Variants in WNK3 observed in about 807,000 individuals in gnomAD.
WNK3 encodes the protein WNK lysine deficient protein kinase 3.
Under a neutral mutation model 116.7 loss-of-function variants are expected in WNK3, and 18 were observed. The observed-to-expected ratio is 0.15, with a 90% CI of 0.11 to 0.23. The LOEUF is 0.23. Among genes scored for constraint, WNK3 ranks in the 10% least tolerant of loss-of-function variants. The pLI, the probability that WNK3 is intolerant of heterozygous loss-of-function variation, is 1.00. For synonymous variants in WNK3, 404 were observed against 469.4 expected (o/e 0.86, Z 1.80); for missense variants, 993 against 1,323.8 (o/e 0.75, Z 3.88).
chrX:54,235,338 T>G (rs2067950174), intron 20 of WNK3, among the ~76,000 whole-genome samples: 1 of 112,065 alleles, frequency 8.9e-6, no homozygotes. Context: ...CAGGCTGGAG[T>G]GCAGTGGTGC....
At chrX:54,325,679 CAAAAAAAAA>C (rs57064020) in intron 2 of WNK3, among the ~76,000 whole-genome samples, 10 of 11,309 alleles carry the variant, frequency 8.8e-4, no homozygotes, top group Admixed American at 5.6e-3. Flanking sequence ...AACTCCCTCT[CAAAAAAAAA>C]AAAAAAAAAA....
intron 22 of WNK3, among the ~76,000 whole-genome samples, chrX:54,203,995 G>A (rs2067526552): frequency 9.0e-6 from 1 of 111,509 alleles, no homozygotes; most frequent in African/African-American, 3.3e-5. Flanking sequence ...ATATAATAAA[G>A]TAGGAAATGG....
At chrX:54,291,683 G>C (rs2068641982) in intron 10 of WNK3, among the ~76,000 whole-genome samples, 1 of 111,709 alleles carries the variant, frequency 9.0e-6, no homozygotes. Context: ...TCTACCCCTA[G>C]CAGATTTTAA....
intron 22 of WNK3, among the ~76,000 whole-genome samples, chrX:54,224,512 A>G (rs2067808871): frequency 9.1e-6 from 1 of 110,400 alleles, no homozygotes; most frequent in Non-Finnish European, 1.9e-5. Context: ...GTGTTCCAAA[A>G]TACACAACGC....
exon 19 of WNK3, chrX:54,238,404 C>T: frequency 2.5e-6 from 3 of 1,210,985 alleles, no homozygotes; most frequent in Non-Finnish European, 3.4e-6. Flanking sequence ...GCCCTAGTAT[C>T]AGCTGTGGAC....
intron 10 of WNK3, among the ~76,000 whole-genome samples, chrX:54,286,854 A>G (rs1030257109): frequency 7.5e-5 from 8 of 106,928 alleles, no homozygotes. Context: ...CAGAGATTGC[A>G]GTGACCCGAG....
intron 5 of WNK3, among the ~76,000 whole-genome samples, chrX:54,307,187 A>C (rs1381647004): frequency 9.5e-6 from 1 of 105,462 alleles, no homozygotes; most frequent in Non-Finnish European, 1.9e-5. Flanking sequence ...AGATCCCGCC[A>C]CTGCACTAAA....
chrX:54,245,811 T>G (rs1464676482), intron 17 of WNK3, among the ~76,000 whole-genome samples: 1 of 111,668 alleles, frequency 9.0e-6, no homozygotes, highest in African/African-American at 3.2e-5. Flanking sequence ...GTGCAAATAC[T>G]TCTCTCAGGT....
intron 1 of WNK3, among the ~76,000 whole-genome samples, chrX:54,344,568 A>G (rs1293980917): frequency 8.8e-6 from 1 of 113,375 alleles, no homozygotes; most frequent in African/African-American, 3.2e-5. Flanking sequence ...TCACAAACAT[A>G]TGAATAACTC....
At chrX:54,242,763 C>T (rs1054761215) in intron 17 of WNK3, among the ~76,000 whole-genome samples, 2 of 111,329 alleles carry the variant, frequency 1.8e-5, no homozygotes, top group Non-Finnish European at 3.8e-5. Context: ...CATACATATA[C>T]AAAAATTAAC....
At chrX:54,211,212 C>T (rs782767122) in intron 22 of WNK3, among the ~76,000 whole-genome samples, 1 of 110,746 alleles carries the variant, frequency 9.0e-6, no homozygotes, top group Non-Finnish European at 1.9e-5. Context: ...GAGGCCAAGG[C>T]AGGTGGATCA....
intron 10 of WNK3, among the ~76,000 whole-genome samples, chrX:54,274,448 C>T (rs1557160121): frequency 9.0e-6 from 1 of 111,721 alleles, no homozygotes; most frequent in African/African-American, 3.3e-5. Context: ...TTATTATGGA[C>T]AACTGTACTC....
chrX:54,298,370 G>C, exon 7 of WNK3: 1 of 1,206,124 alleles, frequency 8.3e-7, no homozygotes, highest in Non-Finnish European at 1.1e-6. Context: ...AAAATGCATG[G>C]TTTAATAGGT....
At chrX:54,240,165 G>A (rs1411365541) in intron 17 of WNK3, among the ~76,000 whole-genome samples, 5 of 110,808 alleles carry the variant, frequency 4.5e-5, no homozygotes, top group East Asian at 2.8e-4. Context: ...TCAGCCTGTC[G>A]TGGTGGTGCC....
chrX:54,223,124 G>A (rs781995044), intron 22 of WNK3, among the ~76,000 whole-genome samples: 133 of 108,580 alleles, frequency 1.2e-3, no homozygotes, highest in Non-Finnish European at 1.9e-3. Flanking sequence ...TGATTTAAAT[G>A]CCCCAATCAA....
chrX:54,346,132 A>G (rs1280720338), intron 1 of WNK3, among the ~76,000 whole-genome samples: 59 of 105,874 alleles, frequency 5.6e-4, no homozygotes, highest in Non-Finnish European at 8.3e-4. Context: ...GTGTGTGTAT[A>G]TATATATATA....
At chrX:54,341,774 G>A (rs2069329276) in intron 1 of WNK3, among the ~76,000 whole-genome samples, 1 of 111,274 alleles carries the variant, frequency 9.0e-6, no homozygotes, top group Non-Finnish European at 1.9e-5. Context: ...AAATAGATTA[G>A]TGGTTGGGGC....
In WNK3 at chrX:54,270,781, G is replaced by A. The variant is rs782055851; in HGVS notation, c.2038-11443C>T. 3.8e-3 allele frequency among the ~76,000 whole-genome samples: 414 copies of A among 110,306 alleles called. 1 individual carries two copies. Among genetic ancestry groups the A allele is most frequent in the African/African-American group, 0.013 (404 of 30,359 alleles). ...CGGTGTGTGATGTTCCCCTCCCTGT[G>A]TCCATGTGTTCTCATTGTTCAGCTC... On this transcript the variant is annotated intron_variant, in intron 10 of 23. Coordinates refer to ENST00000354646, the Ensembl canonical transcript of WNK3.
chrX:54,250,161 G>C, intron 15 of WNK3, 30 bp from the exon 16 acceptor site: 11 of 1,141,195 alleles, frequency 9.6e-6, no homozygotes, highest in Non-Finnish European at 1.3e-5. Context: ...AAAATAATAT[G>C]CTAAGCTATT....
Sources: allele counts gnomAD v4.1 joint callset (sites outside exome capture counted in the v4.1 genomes callset), GRCh38; gene constraint gnomAD v4.1.1; transcripts MANE v1.5; gene names NCBI Gene and HGNC (gene_info 2026-07-23, HGNC 2026-07-21).